The following GABRG3 variants were observed in gnomAD, a reference collection of about 807,000 sequenced individuals.
GABRG3 encodes gamma-aminobutyric acid type A receptor subunit gamma3.
GABRG3 carries 25 observed loss-of-function variants against 48.8 expected under a neutral mutation model. The observed-to-expected ratio is 0.51, with a 90% CI of 0.37 to 0.72. The LOEUF (loss-of-function observed/expected upper bound fraction) is 0.72. Among genes scored for constraint, GABRG3 ranks in the 30% least tolerant of loss-of-function variants. GABRG3 has a pLI of 0.00. For missense variants in GABRG3, 394 were observed against 577.9 expected, an observed-to-expected ratio of 0.68 and a Z score of 3.26; for synonymous variants, 227 against 217.6, an observed-to-expected ratio of 1.04 and a Z score of -0.38.
At chr15:27,032,581 G>A (rs1277465873) in intron 3 of GABRG3, among the ~76,000 whole-genome samples, 1 of 152,122 alleles carries the variant, frequency 6.6e-6, no homozygotes, top group Admixed American at 6.6e-5. Flanking sequence ...AGAGAGAGAG[G>A]GAGGAGGTGC....
At chr15:27,359,259 C>T (rs1426190424) in intron 5 of GABRG3, among the ~76,000 whole-genome samples, 1 of 152,204 alleles carries the variant, frequency 6.6e-6, no homozygotes, top group African/African-American at 2.4e-5. Flanking sequence ...GAGACCTGCC[C>T]CTGTCTCTGC....
intron 5 of GABRG3, among the ~76,000 whole-genome samples, chr15:27,430,141 T>C (rs983489130): frequency 1.3e-5 from 2 of 152,222 alleles, no homozygotes; most frequent in African/African-American, 4.8e-5. Context: ...TTTTCATGTT[T>C]CTAATGACTA....
At chr15:27,452,096 A>T (rs1053197152) in intron 5 of GABRG3, among the ~76,000 whole-genome samples, 12 of 152,222 alleles carry the variant, frequency 7.9e-5, no homozygotes, top group African/African-American at 2.9e-4. Flanking sequence ...TCTCAAAAGC[A>T]GACATCCAAA....
chr15:27,475,400 A>C (rs1889907728), intron 5 of GABRG3, among the ~76,000 whole-genome samples: 2 of 152,218 alleles, frequency 1.3e-5, no homozygotes, highest in African/African-American at 2.4e-5. Context: ...GTAGACTATA[A>C]TTACAGTTAT....
chr15:27,154,178 A>G (rs940168059), intron 3 of GABRG3, among the ~76,000 whole-genome samples: 3 of 152,088 alleles, frequency 2.0e-5, no homozygotes, highest in Non-Finnish European at 4.4e-5. Flanking sequence ...AACTAATGTT[A>G]TTTATTATAG....
chr15:27,531,804 C>T (rs1359951512), intron 9 of GABRG3, among the ~76,000 whole-genome samples: 1 of 152,188 alleles, frequency 6.6e-6, no homozygotes, highest in Non-Finnish European at 1.5e-5. Context: ...AGGAATGATT[C>T]TTCTCATTTA....
chr15:27,405,300 C>T (rs945413256), intron 5 of GABRG3, among the ~76,000 whole-genome samples: 1 of 152,068 alleles, frequency 6.6e-6, no homozygotes, highest in African/African-American at 2.4e-5. Flanking sequence ...CCACTAAATC[C>T]ATGATCAGTA....
At chr15:27,093,181 G>A (rs552637915) in intron 3 of GABRG3, among the ~76,000 whole-genome samples, 23 of 152,180 alleles carry the variant, frequency 1.5e-4, no homozygotes, top group African/African-American at 4.6e-4. Flanking sequence ...AAATGAGAAC[G>A]GAACAGACCA....
At chr15:27,433,415 T>C (rs1342497832) in intron 5 of GABRG3, among the ~76,000 whole-genome samples, 1 of 152,218 alleles carries the variant, frequency 6.6e-6, no homozygotes, top group African/African-American at 2.4e-5. Flanking sequence ...TGCCAGCTTT[T>C]AGAGGCTGTC....
intron 3 of GABRG3, among the ~76,000 whole-genome samples, chr15:27,240,453 T>C (rs1890099810): frequency 6.6e-6 from 1 of 152,210 alleles, no homozygotes; most frequent in Admixed American, 6.5e-5. Flanking sequence ...TTACATGATT[T>C]GGGGAAGTTA....
chr15:27,220,118 C>T (rs956535295), intron 3 of GABRG3, among the ~76,000 whole-genome samples: 23 of 152,120 alleles, frequency 1.5e-4, no homozygotes, highest in African/African-American at 5.6e-4. Context: ...TTCTTGATGG[C>T]TTACAGGCAA....
chr15:27,343,438 T>C (rs901460075), intron 5 of GABRG3, among the ~76,000 whole-genome samples: 2 of 152,238 alleles, frequency 1.3e-5, no homozygotes, highest in African/African-American at 4.8e-5. Context: ...TGTATTTTGG[T>C]TATAAGTTGC....
At chr15:27,050,741 TTAAC>T (rs754879539) in intron 3 of GABRG3, among the ~76,000 whole-genome samples, 14 of 152,042 alleles carry the variant, frequency 9.2e-5, no homozygotes, top group Admixed American at 4.6e-4. Context: ...TATAATATTA[TTAAC>T]TATTTCTTAA....
chr15:27,166,237 A>T (rs1257541025), intron 3 of GABRG3, among the ~76,000 whole-genome samples: 6 of 152,200 alleles, frequency 3.9e-5, no homozygotes, highest in Non-Finnish European at 7.3e-5. Flanking sequence ...GAAATAACAG[A>T]GGGGAAAAGT....
chr15:27,526,971 G>A (rs1376663908), intron 7 of GABRG3, among the ~76,000 whole-genome samples: 1 of 152,198 alleles, frequency 6.6e-6, no homozygotes, highest in South Asian at 2.1e-4. Context: ...TACTGCAGAT[G>A]TGCATGTTGT....
intron 3 of GABRG3, among the ~76,000 whole-genome samples, chr15:27,112,069 T>A (rs533432561): frequency 1.4e-4 from 22 of 152,042 alleles, no homozygotes; most frequent in Non-Finnish European, 2.6e-4. Context: ...GGATCTCCCT[T>A]AAGGCAGGGT....
intron 2 of GABRG3, among the ~76,000 whole-genome samples, chr15:27,002,441 G>C (rs1343817803): frequency 6.6e-6 from 1 of 152,070 alleles, no homozygotes; most frequent in Non-Finnish European, 1.5e-5. Flanking sequence ...GGTGGTATTT[G>C]TCTAAACTAT....
At chr15:27,516,514 G>C (rs1160126689) in intron 6 of GABRG3, among the ~76,000 whole-genome samples, 1 of 152,144 alleles carries the variant, frequency 6.6e-6, no homozygotes, top group Non-Finnish European at 1.5e-5. Flanking sequence ...GTTCTTACCT[G>C]AACCTGCCTC....
At chr15:27,152,320 C>T (rs1898331911) in intron 3 of GABRG3, among the ~76,000 whole-genome samples, 1 of 152,128 alleles carries the variant, frequency 6.6e-6, no homozygotes, top group African/African-American at 2.4e-5. Context: ...TCTGGGTTCT[C>T]TATTCTGTTT....
Sources: allele counts gnomAD v4.1 joint callset (sites outside exome capture counted in the v4.1 genomes callset), GRCh38; gene constraint gnomAD v4.1.1; transcripts MANE v1.5; gene names NCBI Gene and HGNC (gene_info 2026-07-23, HGNC 2026-07-21).